The following UCHL5 variants were observed in gnomAD, a reference collection of about 807,000 sequenced individuals.
UCHL5 encodes the protein ubiquitin C-terminal hydrolase L5.
UCHL5 carries 34 observed loss-of-function variants against 53.8 expected under a neutral mutation model. The ratio of observed to expected loss-of-function variants is 0.63; its 90% confidence interval spans 0.48 to 0.84. The LOEUF is 0.84. Ranked by LOEUF, UCHL5 falls within the 40% of genes least tolerant of loss-of-function variation. UCHL5 has a pLI of 0.00. For missense variants in UCHL5, 290 were observed against 385.6 expected (o/e 0.75, Z 2.08); for synonymous variants, 111 against 126.3 (o/e 0.88, Z 0.81).
chr1:193,022,837 G>T, intron 9 of UCHL5, 89 bp downstream of exon 9: 1 of 850,142 alleles, frequency 1.2e-6, no homozygotes, highest in Non-Finnish European at 1.9e-6. Flanking sequence ...ATGATAGGAG[G>T]GAAAGCCATC....
chr1:193,036,962 T>C (rs1663733605), intron 3 of UCHL5, among the ~76,000 whole-genome samples: 2 of 151,524 alleles, frequency 1.3e-5, no homozygotes, highest in South Asian at 4.2e-4. Context: ...CAAATAAAAA[T>C]GGAAATACAG....
rs1262899822 is a variant in UCHL5, at chr1:193,033,313, C to T, written c.247-3656G>A. Among the ~76,000 whole-genome samples the T allele has an allele frequency of 2.6e-5, 4 of 151,838 alleles. No individual in the cohort carries two copies. The East Asian group carries it at 5.8e-4, about 22-fold the overall frequency. On this transcript the variant is annotated intron_variant, in intron 3 of 10. Coordinates refer to ENST00000367454, the MANE Select transcript of UCHL5 (RefSeq NM_001199261.3). Reference sequence around the variant, plus strand: ...AACACCACATGTTCTCACTCGTAAGCGGGAGTTCAACAATGAGAACGCATG... The same window carrying T: ...AACACCACATGTTCTCACTCGTAAGTGGGAGTTCAACAATGAGAACGCATG...
chr1:193,022,834 G>A (rs1010202272), intron 9 of UCHL5, 92 bp downstream of exon 9: 4 of 814,718 alleles, frequency 4.9e-6, no homozygotes, highest in Non-Finnish European at 8.0e-6. Flanking sequence ...TAAATGATAG[G>A]AGGGAAAGCC....
upstream of UCHL5, chr1:193,059,404 C>G (rs1255492346): frequency 5.0e-6 from 8 of 1,609,972 alleles, no homozygotes; most frequent in Non-Finnish European, 5.9e-6. This position sits in a 1 kb window ranked among gnomAD's most constrained non-coding sequence, Gnocchi z 4.9. Context: ...AGCCTCCGGG[C>G]GCCGTCACCT....
rs756901265 is a variant in UCHL5, at chr1:193,013,682, T to C, written c.*2669A>G. On this transcript the variant is annotated 3_prime_UTR_variant, in exon 11 of 11. Coordinates refer to ENST00000367454, the MANE Select transcript of UCHL5 (RefSeq NM_001199261.3). ...AAATAAACAAAATCCTCCTACAGGA[T>C]AAAAATATCTAAATGCATCTTGAAA... 2.0e-5 allele frequency: 3 copies of C among 152,228 alleles called. No individual in the cohort carries two copies. The highest frequency in any genetic ancestry group is 2.9e-5 in the Non-Finnish European group (2 of 68,016). The allele number at this position is 152,228 out of a possible 1,614,324, so 9.4% of individuals were successfully genotyped here.
chr1:193,057,114 T>G (rs1000927350), intron 1 of UCHL5, among the ~76,000 whole-genome samples: 2 of 152,226 alleles, frequency 1.3e-5, no homozygotes, highest in African/African-American at 4.8e-5. Context: ...TCTGCAGACA[T>G]GTCAAACTCA....
At chr1:193,049,558 G>T (rs543872125) in intron 3 of UCHL5, 188 bp downstream of exon 3, 2 of 429,718 alleles carry the variant, frequency 4.7e-6, no homozygotes, top group African/African-American at 2.0e-5. Flanking sequence ...AACATTGATA[G>T]ATAATCCCAG....
At chr1:193,048,529 T>C (rs137893891) in intron 3 of UCHL5, among the ~76,000 whole-genome samples, 1 of 152,218 alleles carries the variant, frequency 6.6e-6, no homozygotes, top group African/African-American at 2.4e-5. Context: ...AATTTTACAT[T>C]ACAACTAACC....
At chr1:193,035,352 A>T (rs1662973074) in intron 3 of UCHL5, among the ~76,000 whole-genome samples, 1 of 152,070 alleles carries the variant, frequency 6.6e-6, no homozygotes, top group Non-Finnish European at 1.5e-5. Flanking sequence ...AAGGGAAAAC[A>T]AGCAAACAAT....
At chr1:193,028,028 TTTAAAAAATAC>T in intron 7 of UCHL5, 46 bp downstream of exon 7, 1 of 1,581,464 alleles carries the variant, frequency 6.3e-7, no homozygotes, top group South Asian at 1.2e-5. Context: ...AAAATACAAG[TTTAAAAAATAC>T]TTAAAAAACA....
chr1:193,029,260 C>T lies in UCHL5; in HGVS notation c.484G>A (p.Ala162Thr), dbSNP rs767838915. Reference protein sequence around the residue: ...DTKTSAKEEDAFHFVSYVPVN... With the variant: ...DTKTSAKEEDTFHFVSYVPVN... ...GGAACATAACTGACAAAGTGAAAAG[C>T]ATCTTCTTCTTTTGCTGATGTCTTC... Residue 162 changes from alanine (A) to threonine (T), a missense_variant, in exon 6 of 11, where the codon GCT (alanine) becomes ACT (threonine). Transcript: ENST00000367454. 1 of 1,613,830 alleles carries T rather than the reference C, an allele frequency of 6.2e-7. No individual in the cohort carries two copies. The highest frequency in any genetic ancestry group is 8.5e-7 in the Non-Finnish European group (1 of 1,179,820).
chr1:193,020,135 T>G, intron 10 of UCHL5: 2 of 984,956 alleles, frequency 2.0e-6, no homozygotes, highest in Non-Finnish European at 2.4e-6. Context: ...CTGCAATAAT[T>G]TTTACATTTA....
intron 3 of UCHL5, among the ~76,000 whole-genome samples, chr1:193,030,219 G>C (rs1413469853): frequency 2.0e-5 from 3 of 151,970 alleles, no homozygotes; most frequent in Admixed American, 6.6e-5. Flanking sequence ...AAATTATCTG[G>C]ACCTTACATT....
intron 3 of UCHL5, among the ~76,000 whole-genome samples, chr1:193,035,954 T>G (rs963629684): frequency 2.0e-5 from 3 of 152,014 alleles, no homozygotes; most frequent in African/African-American, 7.2e-5. Context: ...ATATGTTTTG[T>G]AAGCTTCATG....
chr1:193,028,145 G>T lies in UCHL5; in HGVS notation c.569C>A (p.Ala190Glu). Residue 190 changes from alanine (A) to glutamate (E), a missense_variant, in exon 7 of 11, where the codon GCA becomes GAA. Transcript: ENST00000367454. ...ACTGATCCAATCATCTTGATTGCAT[G>T]CACCTAGAAAGAAATTTTAAAACAG... ...GLREGPIDLGACNQDDWISAV... is the reference protein window; with the variant it reads ...GLREGPIDLGECNQDDWISAV... 6.3e-7 allele frequency: 1 copy of T among 1,587,168 alleles called. No homozygotes were observed. The highest frequency in any genetic ancestry group is 1.2e-5 in the South Asian group (1 of 84,782).
intron 3 of UCHL5, among the ~76,000 whole-genome samples, chr1:193,030,640 A>G (rs1661040430): frequency 6.6e-6 from 1 of 152,220 alleles, no homozygotes; most frequent in Admixed American, 6.5e-5. Flanking sequence ...ATTACAGCTT[A>G]GTCCTACTAC....
At chr1:193,048,476 G>C (rs1668018356) in intron 3 of UCHL5, among the ~76,000 whole-genome samples, 1 of 152,194 alleles carries the variant, frequency 6.6e-6, no homozygotes, top group Admixed American at 6.5e-5. Flanking sequence ...AGATCCATTT[G>C]AAGGGCAACA....
chr1:193,028,207 A>G, intron 6 of UCHL5, 59 bp from the exon 7 acceptor site: 5 of 1,435,866 alleles, frequency 3.5e-6, no homozygotes, highest in Non-Finnish European at 4.7e-6. Context: ...CAACTTTAAA[A>G]TGCAAAAGTT....
intron 3 of UCHL5, among the ~76,000 whole-genome samples, chr1:193,031,467 T>C (rs550656009): frequency 1.3e-5 from 2 of 152,274 alleles, no homozygotes; most frequent in East Asian, 3.9e-4. Flanking sequence ...TTTTTTGATG[T>C]CAATAATAAT....
Sources: gnomAD v4.1 joint callset for allele counts (sites outside exome capture counted in the v4.1 genomes callset) on GRCh38, gnomAD v4.1.1 for gene constraint, Gnocchi (gnomAD v3.1) non-coding constraint, MANE v1.5 for transcripts, NCBI Gene and HGNC (gene_info 2026-07-23, HGNC 2026-07-21) for gene names.